The following PTPRN2 variants were observed in gnomAD, a reference collection of about 807,000 sequenced individuals.
PTPRN2 encodes the protein protein tyrosine phosphatase receptor type N2.
Under a neutral mutation model 118.8 loss-of-function variants are expected in PTPRN2, and 74 were observed. The observed-to-expected ratio is 0.62, with a 90% CI of 0.52 to 0.76. PTPRN2 has a LOEUF of 0.76. Among genes scored for constraint, PTPRN2 ranks in the 30% least tolerant of loss-of-function variants. The pLI, the probability that PTPRN2 is intolerant of heterozygous loss-of-function variation, is 0.00. For missense variants in PTPRN2, 1,481 were observed against 1,394.4 expected (o/e 1.06, Z -0.99); for synonymous variants, 641 against 608.0 (o/e 1.05, Z -0.80).
intron 12 of PTPRN2, chr7:157,857,202 A>T (rs1029683282): frequency 1.3e-5 from 2 of 151,848 alleles, no homozygotes; most frequent in Non-Finnish European, 2.9e-5. Context: ...ATGCTGCAGG[A>T]GGAAGCTGGG....
intron 17 of PTPRN2, among the ~76,000 whole-genome samples, chr7:157,584,428 T>TA (rs1010665077): frequency 4.2e-4 from 64 of 151,652 alleles, no homozygotes; most frequent in African/African-American, 1.3e-3. Flanking sequence ...GATATTTATG[T>TA]AAAAAAAAAG....
At chr7:158,105,251 T>TCATCC (rs1815586873) in intron 10 of PTPRN2, among the ~76,000 whole-genome samples, 1 of 144,336 alleles carries the variant, frequency 6.9e-6, no homozygotes. Context: ...AACTCCACCC[T>TCATCC]CAGCTCCATC....
chr7:157,982,394 G>T (rs13311699), intron 11 of PTPRN2, among the ~76,000 whole-genome samples: 3 of 141,146 alleles, frequency 2.1e-5, no homozygotes, highest in Admixed American at 7.2e-5. Context: ...AATGCAGAGT[G>T]CAGGGTCCCC....
At chr7:157,982,396 A>G (rs1216681559) in intron 11 of PTPRN2, among the ~76,000 whole-genome samples, 41 of 134,162 alleles carry the variant, frequency 3.1e-4, no homozygotes, top group African/African-American at 1.1e-3. Flanking sequence ...TGCAGAGTGC[A>G]GGGTCCCCCC....
At chr7:157,696,878 C>T (rs1797814878) in intron 12 of PTPRN2, among the ~76,000 whole-genome samples, 2 of 110,664 alleles carry the variant, frequency 1.8e-5, no homozygotes, top group Non-Finnish European at 3.7e-5. Flanking sequence ...TGGGTCTTGG[C>T]AGAGCCCTCA....
intron 6 of PTPRN2, among the ~76,000 whole-genome samples, chr7:158,147,283 T>A (rs867815948): frequency 8.9e-6 from 1 of 112,112 alleles, no homozygotes. Context: ...ACGCCACGTG[T>A]CTTTCCCCTT....
At chr7:157,775,577 G>T (rs184509333) in intron 12 of PTPRN2, among the ~76,000 whole-genome samples, 1 of 152,292 alleles carries the variant, frequency 6.6e-6, no homozygotes, top group East Asian at 1.9e-4. Context: ...CGCTGGGAAG[G>T]CTTCGTCCTC....
chr7:157,932,066 ATC>A lies in PTPRN2; in HGVS notation c.1724-33331_1724-33330del, dbSNP rs1214984161. ...TTTAGGCTTTACTCTCACCTGCAAA[ATC>A]TCTCTCTATATTTATATTTACACTG... On this transcript the variant is annotated intron_variant, in intron 11 of 22. Transcript: ENST00000389418. Among the ~76,000 whole-genome samples, 5 of 152,162 alleles carry A rather than the reference ATC, an allele frequency of 3.3e-5. No homozygotes were observed. In the East Asian group the frequency reaches 7.7e-4, roughly 24 times the overall value.
At chr7:157,818,526 G>T (rs575041189) in intron 12 of PTPRN2, among the ~76,000 whole-genome samples, 4 of 152,098 alleles carry the variant, frequency 2.6e-5, no homozygotes, top group Admixed American at 1.3e-4. Context: ...AAGAGAGGGC[G>T]TGGCCTGAGC....
At chr7:158,233,416 A>G (rs1259344299) in intron 3 of PTPRN2, among the ~76,000 whole-genome samples, 1 of 152,132 alleles carries the variant, frequency 6.6e-6, no homozygotes, top group South Asian at 2.1e-4. Flanking sequence ...ACAATTGAAG[A>G]CGACACAAAA....
At chr7:158,502,230 C>T (rs538069021) in intron 1 of PTPRN2, among the ~76,000 whole-genome samples, 31 of 152,320 alleles carry the variant, frequency 2.0e-4, no homozygotes, top group African/African-American at 7.0e-4. Flanking sequence ...AACACAGCCA[C>T]GCCCACTTGC....
chr7:158,251,160 C>T (rs988328920), intron 3 of PTPRN2, among the ~76,000 whole-genome samples: 10 of 152,034 alleles, frequency 6.6e-5, no homozygotes, highest in African/African-American at 1.7e-4. Context: ...CACAGCATGA[C>T]GGTAATAATG....
rs978893433 is a variant in PTPRN2 at position 157,611,497 on chromosome 7, A to C, written c.2345-7422T>G. On this transcript the variant is annotated intron_variant, in intron 15 of 22. Coordinates refer to ENST00000389418, the MANE Select transcript of PTPRN2 (RefSeq NM_002847.5). The surrounding 1 kb of genome is among the most constrained non-coding windows in gnomAD (Gnocchi z 5.9). ...CCAGTCACTGAGCTGACTTGGAGGC[A>C]CCAGGTCCCAGGGTTGAGCTGCGTA... Among the ~76,000 whole-genome samples, 4 of 152,146 alleles carry C rather than the reference A, an allele frequency of 2.6e-5. No individual in the cohort carries two copies. Among genetic ancestry groups the C allele is most frequent in the African/African-American group, 9.7e-5 (4 of 41,444 alleles).
chr7:157,682,240 C>A (rs1796948390), intron 13 of PTPRN2, among the ~76,000 whole-genome samples: 2 of 152,148 alleles, frequency 1.3e-5, no homozygotes, highest in African/African-American at 4.8e-5. Context: ...GTGTGGGTCA[C>A]CTTCCCCTGG....
chr7:158,123,147 G>A (rs1366083408), intron 9 of PTPRN2, among the ~76,000 whole-genome samples: 1 of 152,190 alleles, frequency 6.6e-6, no homozygotes, highest in Non-Finnish European at 1.5e-5. Context: ...ATAGATAAAC[G>A]AGGTTTCTTG....
chr7:158,148,483 C>T (rs1178082834), intron 6 of PTPRN2, among the ~76,000 whole-genome samples: 9 of 140,290 alleles, frequency 6.4e-5, no homozygotes, highest in African/African-American at 2.4e-4. Context: ...AATGACACCC[C>T]ATCTCACGCC....
In PTPRN2 at chr7:158,133,665, GCTGCTACTCACTCT is replaced by G; in HGVS notation, c.1554_1556+11del. 6.4e-7 allele frequency: 1 copy of G among 1,554,632 alleles called. No homozygotes were observed. The highest frequency in any genetic ancestry group is 8.7e-7 in the Non-Finnish European group (1 of 1,152,674). On this transcript the variant is annotated splice_donor_variant and splice_donor_5th_base_variant and coding_sequence_variant and intron_variant, in exon 9 of 23. Transcript: ENST00000389418. LOFTEE classifies it high-confidence loss of function. Reference sequence around the variant, plus strand: ...CTCGGCACACAGGAGCTTAGCCAGGGCTGCTACTCACTCTCTGTCTGTCACGATGTAGCCCCGCG... The same window carrying G: ...CTCGGCACACAGGAGCTTAGCCAGGGCTGTCTGTCACGATGTAGCCCCGCG...
In PTPRN2 at chr7:158,174,487, T is replaced by TCAG. The variant is rs1447903810; in HGVS notation, c.550-7197_550-7196insCTG. ...AACCATCAGCTTCCCACCATCATCA[T>TCAG]CATCAGCAGCAGCAGCACCATCATC... On this transcript the variant is annotated intron_variant, in intron 5 of 22. Coordinates refer to ENST00000389418, the MANE Select transcript of PTPRN2 (RefSeq NM_002847.5). Among the ~76,000 whole-genome samples, 192 of 151,328 alleles carry TCAG rather than the reference T, an allele frequency of 1.3e-3. 1 individual carries two copies. Among genetic ancestry groups the TCAG allele is most frequent in the African/African-American group, 4.4e-3 (181 of 41,052 alleles).
chr7:157,991,050 G>C (rs571159029), intron 11 of PTPRN2, among the ~76,000 whole-genome samples: 1 of 152,184 alleles, frequency 6.6e-6, no homozygotes, highest in Non-Finnish European at 1.5e-5. Flanking sequence ...CCACTGCCAG[G>C]CTTTGGGGTG....
Sources: allele counts gnomAD v4.1 joint callset (sites outside exome capture counted in the v4.1 genomes callset), GRCh38; gene constraint gnomAD v4.1.1; non-coding constraint Gnocchi (gnomAD v3.1); transcripts MANE v1.5; gene names NCBI Gene and HGNC (gene_info 2026-07-23, HGNC 2026-07-21).